The following PCDHB2 variants were observed in gnomAD, a reference collection of about 807,000 sequenced individuals.
PCDHB2 encodes the protein protocadherin beta 2, also known as protocadherin beta-2.
For synonymous variants in PCDHB2, 395 were observed against 464.9 expected, an observed-to-expected ratio of 0.85 and a Z score of 1.93; for missense variants, 914 against 1,023.1, an observed-to-expected ratio of 0.89 and a Z score of 1.45.
chr5:141,098,214 AAAT>A lies in PCDHB2; in HGVS notation c.*1029_*1031del, dbSNP rs1165242624. The A allele has an allele frequency of 6.6e-6, 1 of 152,162 alleles. No individual in the cohort carries two copies. Among genetic ancestry groups the A allele is most frequent in the African/African-American group, 2.4e-5 (1 of 41,444 alleles). 9.4% of individuals were successfully genotyped at this position (152,162 alleles called of 1,614,324 possible). On this transcript the variant is annotated 3_prime_UTR_variant, in exon 1 of 1. Transcript: ENST00000194155. The stretch of plus-strand genomic sequence containing the variant: ...GCTAATTCATCATGCTTTCTCTTTC[AAAT>A]AGTTTTTTTAAGAGCCCTCTGCTTA...
rs371176940 is a variant in PCDHB2 at position 141,096,374 on chromosome 5, G to A, written c.1584G>A (p.Ala528=). ...CGCTGGACTACGAGGCCCTGCAGGC[G>A]TTCGAGTTCCGCGTGGGCGCCGCAG... ...LQSLDYEALQ[A]FEFRVGAADR... Residue 528 remains alanine, a synonymous_variant, in exon 1 of 1, where the codon GCG becomes GCA. Transcript: ENST00000194155. The A allele has an allele frequency of 1.5e-5, 24 of 1,611,410 alleles. No individual in the cohort carries two copies. The highest frequency in any genetic ancestry group is 2.7e-5 in the African/African-American group (2 of 74,388).
chr5:141,096,914 C>G lies in PCDHB2; in HGVS notation c.2124C>G (p.Leu708=). Residue 708 remains leucine (L), a synonymous_variant, in exon 1 of 1, where the codon CTC becomes CTG. Coordinates refer to ENST00000194155, the MANE Select transcript of PCDHB2 (RefSeq NM_018936.4). ...CTTCGCTCTTCCTCTTCTCGGTGCT[C>G]CTGTTCGTGGCGGTGCGGCTGTGCA... ...SVSSLFLFSV[L]LFVAVRLCRR... 6.2e-7 allele frequency: 1 copy of G among 1,612,428 alleles called. No homozygotes were observed. Among genetic ancestry groups the G allele is most frequent in the Non-Finnish European group, 8.5e-7 (1 of 1,179,860 alleles).
Position 141,097,049 on chromosome 5 carries a change from C to T in PCDHB2, c.2259C>T (p.Tyr753=), listed in dbSNP as rs369789658. 5 of 1,613,662 alleles carry T rather than the reference C, an allele frequency of 3.1e-6. No individual in the cohort carries two copies. Among genetic ancestry groups the T allele is most frequent in the South Asian group, 1.1e-5 (1 of 91,062 alleles). Residue 753 remains tyrosine (Y), a synonymous_variant, in exon 1 of 1, where the codon TAC becomes TAT. Transcript: ENST00000194155. Reference sequence around the variant, plus strand: ...GGACCCTGTCCCAGAGCTACCAGTACGAGGTGTGTCTGACTGGAGGCTCCG... The same window carrying T: ...GGACCCTGTCCCAGAGCTACCAGTATGAGGTGTGTCTGACTGGAGGCTCCG... The part of the protein sequence containing the change: ...GTGTLSQSYQ[Y]EVCLTGGSGT...
At position 141,096,935 on chromosome 5, in the gene PCDHB2, GT is replaced by G. The variant is rs1157146097; in HGVS notation, c.2146del (p.Cys716AlafsTer26). 1 of 1,612,326 alleles carries G rather than the reference GT, an allele frequency of 6.2e-7. No homozygotes were observed. The highest frequency in any genetic ancestry group is 1.3e-5 in the African/African-American group (1 of 74,898). Reference protein sequence around the residue: ...SVLLFVAVRLCRRSRAASVGR... With the variant: ...SVLLFVAVRLXRRSRAASVGR... ...TGCTCCTGTTCGTGGCGGTGCGGCTGTGCAGGAGGAGCAGGGCGGCCTCGGT... is the reference window on the plus strand; with the variant it reads ...TGCTCCTGTTCGTGGCGGTGCGGCTGGCAGGAGGAGCAGGGCGGCCTCGGT... On this transcript the variant is annotated frameshift_variant, in exon 1 of 1. Coordinates refer to ENST00000194155, the MANE Select transcript of PCDHB2 (RefSeq NM_018936.4). LOFTEE classifies it low-confidence loss of function (END_TRUNC).
chr5:141,094,781 C>T lies in PCDHB2; in HGVS notation c.-10C>T, dbSNP rs553009086. ...GAGCTGGAGCACGTTTGGTGAGAGACCAGAAAGCAATGGAGGCCGGAGAGG... is the reference window on the plus strand; with the variant it reads ...GAGCTGGAGCACGTTTGGTGAGAGATCAGAAAGCAATGGAGGCCGGAGAGG... On this transcript the variant is annotated 5_prime_UTR_variant, in exon 1 of 1. Coordinates refer to ENST00000194155, the MANE Select transcript of PCDHB2 (RefSeq NM_018936.4). 3 of 1,539,314 alleles carry T rather than the reference C, an allele frequency of 1.9e-6. No homozygotes were observed. The highest frequency in any genetic ancestry group is 4.5e-5 in the East Asian group (2 of 44,278).
rs374858558 is a variant in PCDHB2, at chr5:141,095,979, C to T, written c.1189C>T (p.Pro397Ser). 2 of 1,614,020 alleles carry T rather than the reference C, an allele frequency of 1.2e-6. No homozygotes were observed. Among genetic ancestry groups the T allele is most frequent in the African/African-American group, 1.3e-5 (1 of 74,910 alleles). Residue 397 changes from proline to serine, a missense_variant, in exon 1 of 1, where the codon CCT (proline) becomes TCT (serine). Pro to Ser is a moderately conservative substitution (Grantham distance 74). Transcript: ENST00000194155. ...AGATGATCTTCCTTTTTTCTTGAAACCTTCTGTTGAGAACTTTTACACTCT... is the reference window on the plus strand; with the variant it reads ...AGATGATCTTCCTTTTTTCTTGAAATCTTCTGTTGAGAACTTTTACACTCT... The part of the protein sequence containing the change: ...IQDDLPFFLK[P>S]SVENFYTLVI...
At position 141,095,152 on chromosome 5, in the gene PCDHB2, C is replaced by A. The variant is rs372878606; in HGVS notation, c.362C>A (p.Ala121Glu). The change falls in exon 1 of 1, where the codon GCG becomes GAG. Residue 121 changes from alanine to glutamate, a missense_variant. Coordinates refer to ENST00000194155, the MANE Select transcript of PCDHB2 (RefSeq NM_018936.4). ...LLENPLQFFQ[A>E]ELRIRDVNDH... ...GAAAATCCCTTGCAGTTTTTTCAGG[C>A]GGAGCTACGGATTAGGGACGTAAAT... 6.2e-7 allele frequency: 1 copy of A among 1,612,384 alleles called. No homozygotes were observed. The highest frequency in any genetic ancestry group is 1.7e-5 in the Admixed American group (1 of 59,686).
rs782336622 is a variant in PCDHB2 at position 141,095,658 on chromosome 5, A to G, written c.868A>G (p.Ile290Val). ...TGCATTTTCCCAAGCATCTGAAGAC[A>G]TTCGCAAAACGTTTCGATTAAGTGC... ...SYAFSQASED[I>V]RKTFRLSAKS... Residue 290 changes from isoleucine to valine, a missense_variant, in exon 1 of 1, where the codon ATT becomes GTT. Coordinates refer to ENST00000194155, the MANE Select transcript of PCDHB2 (RefSeq NM_018936.4). 3.1e-6 allele frequency: 5 copies of G among 1,614,236 alleles called. No individual in the cohort carries two copies. In the Admixed American group the frequency reaches 8.3e-5, roughly 27 times the overall value.
Position 141,096,360 on chromosome 5 carries a change from G to T in PCDHB2, c.1570G>T (p.Glu524Ter). Reference protein sequence around the residue: ...HLFALQSLDYEALQAFEFRVG... With the variant: ...HLFALQSLDY The stretch of plus-strand genomic sequence containing the variant: ...GTTCGCTCTCCAGTCGCTGGACTAC[G>T]AGGCCCTGCAGGCGTTCGAGTTCCG... Residue 524 changes from glutamate to a stop codon, truncating the protein, a stop_gained, in exon 1 of 1, where the codon GAG becomes TAG. Transcript: ENST00000194155. LOFTEE classifies it low-confidence loss of function (END_TRUNC). 1 of 1,613,076 alleles carries T rather than the reference G, an allele frequency of 6.2e-7. No homozygotes were observed. Among genetic ancestry groups the T allele is most frequent in the Non-Finnish European group, 8.5e-7 (1 of 1,179,826 alleles).
In PCDHB2 at chr5:141,094,987, C is replaced by G. The variant is rs1554271132; in HGVS notation, c.197C>G (p.Ala66Gly). 4.3e-6 allele frequency: 7 copies of G among 1,612,848 alleles called. No individual in the cohort carries two copies. In the African/African-American group the frequency reaches 8.0e-5, roughly 18 times the overall value. ...ATAGGAGAACTTGCTGTGAGGGGGG[C>G]CAGGGTCGTTTCCAAAGGAAAAAAA... is the stretch of plus-strand genomic sequence containing the variant. ...LEIGELAVRG[A>G]RVVSKGKKMH... is the part of the protein sequence containing the mutation. The change falls in exon 1 of 1, where the codon GCC becomes GGC. Residue 66 changes from alanine (A) to glycine (G), a missense_variant. Ala to Gly is a moderately conservative substitution (Grantham distance 60). Coordinates refer to ENST00000194155, the MANE Select transcript of PCDHB2 (RefSeq NM_018936.4).
Position 141,097,013 on chromosome 5 carries a change from G to A in PCDHB2, c.2223G>A (p.Val741=), listed in dbSNP as rs782025097. The A allele has an allele frequency of 1.4e-5, 22 of 1,613,826 alleles. No individual in the cohort carries two copies. Among genetic ancestry groups the A allele is most frequent in the South Asian group, 6.6e-5 (6 of 91,044 alleles). Residue 741 remains valine, a synonymous_variant, in exon 1 of 1, where the codon GTG becomes GTA. Transcript: ENST00000194155. ...EGPFPGQMVD[V]SGTGTLSQSY... is the part of the protein sequence containing the mutation. ...CCTTTCCAGGGCAGATGGTGGACGTGAGCGGCACCGGGACCCTGTCCCAGA... is the reference window on the plus strand; with the variant it reads ...CCTTTCCAGGGCAGATGGTGGACGTAAGCGGCACCGGGACCCTGTCCCAGA...
chr5:141,096,360 G>C lies in PCDHB2; in HGVS notation c.1570G>C (p.Glu524Gln). Residue 524 changes from glutamate to glutamine, a missense_variant, in exon 1 of 1, where the codon GAG becomes CAG. Glu to Gln is a conservative substitution (Grantham distance 29, BLOSUM62 2). Transcript: ENST00000194155. The stretch of plus-strand genomic sequence containing the variant: ...GTTCGCTCTCCAGTCGCTGGACTAC[G>C]AGGCCCTGCAGGCGTTCGAGTTCCG... Reference protein sequence around the residue: ...HLFALQSLDYEALQAFEFRVG... With the variant: ...HLFALQSLDYQALQAFEFRVG... The C allele has an allele frequency of 6.2e-7, 1 of 1,613,076 alleles. No individual in the cohort carries two copies. Among genetic ancestry groups the C allele is most frequent in the Non-Finnish European group, 8.5e-7 (1 of 1,179,826 alleles).
In PCDHB2 at chr5:141,096,246, GC is replaced by G. The variant is rs1563828910; in HGVS notation, c.1459del (p.Gln487ArgfsTer57). 1 of 1,613,026 alleles carries G rather than the reference GC, an allele frequency of 6.2e-7. No homozygotes were observed. The highest frequency in any genetic ancestry group is 8.5e-7 in the Non-Finnish European group (1 of 1,180,042). On this transcript the variant is annotated frameshift_variant, in exon 1 of 1. Coordinates refer to ENST00000194155, the MANE Select transcript of PCDHB2 (RefSeq NM_018936.4). LOFTEE classifies it low-confidence loss of function (END_TRUNC). ...CACAGACAGAGACTCGGGCACCAAC[GC>G]CCAGGTCACCTACTCGCTGCTGCCG... ...SATDRDSGTN[A>X]QVTYSLLPPQ...
chr5:141,096,251 G>C lies in PCDHB2; in HGVS notation c.1461G>C (p.Gln487His), dbSNP rs1268320487. 1.2e-5 allele frequency: 20 copies of C among 1,613,120 alleles called. No individual in the cohort carries two copies. Among genetic ancestry groups the C allele is most frequent in the Non-Finnish European group, 1.7e-5 (20 of 1,180,036 alleles). The change falls in exon 1 of 1, where the codon CAG (glutamine) becomes CAC (histidine). Residue 487 changes from glutamine to histidine, a missense_variant. Gln to His is a conservative substitution (Grantham distance 24). Coordinates refer to ENST00000194155, the MANE Select transcript of PCDHB2 (RefSeq NM_018936.4). ...ACAGAGACTCGGGCACCAACGCCCAGGTCACCTACTCGCTGCTGCCGCCCC... is the reference window on the plus strand; with the variant it reads ...ACAGAGACTCGGGCACCAACGCCCACGTCACCTACTCGCTGCTGCCGCCCC... Reference protein sequence around the residue: ...ATDRDSGTNAQVTYSLLPPQD... With the variant: ...ATDRDSGTNAHVTYSLLPPQD...
At position 141,095,369 on chromosome 5, in the gene PCDHB2, A is replaced by G; in HGVS notation, c.579A>G (p.Leu193=). 2 of 1,613,950 alleles carry G rather than the reference A, an allele frequency of 1.2e-6. No homozygotes were observed. Among genetic ancestry groups the G allele is most frequent in the Non-Finnish European group, 1.7e-6 (2 of 1,179,894 alleles). Residue 193 remains leucine, a synonymous_variant, in exon 1 of 1, where the codon TTA becomes TTG. Coordinates refer to ENST00000194155, the MANE Select transcript of PCDHB2 (RefSeq NM_018936.4). Reference sequence around the variant, plus strand: ...AAGACAGTCTCGATGGCATAATATTACCACAGCTGGTGCTGAACAGAGCCC... The same window carrying G: ...AAGACAGTCTCGATGGCATAATATTGCCACAGCTGGTGCTGAACAGAGCCC... The part of the protein sequence containing the change: ...NLQDSLDGII[L]PQLVLNRALD...
chr5:141,096,195 G>T lies in PCDHB2; in HGVS notation c.1405G>T (p.Ala469Ser), dbSNP rs1554271422. ...GTTCGTCCGCGAGAACAACAGCCCCGCCCTGCACATCGGCAGCGTCAGCGC... is the reference window on the plus strand; with the variant it reads ...GTTCGTCCGCGAGAACAACAGCCCCTCCCTGCACATCGGCAGCGTCAGCGC... Reference protein sequence around the residue: ...TLFVRENNSPALHIGSVSATD... With the variant: ...TLFVRENNSPSLHIGSVSATD... The change falls in exon 1 of 1, where the codon GCC becomes TCC. Residue 469 changes from alanine (A) to serine (S), a missense_variant. Transcript: ENST00000194155. 1 of 1,612,930 alleles carries T rather than the reference G, an allele frequency of 6.2e-7. No homozygotes were observed. Among genetic ancestry groups the T allele is most frequent in the African/African-American group, 1.3e-5 (1 of 74,882 alleles).
At position 141,097,213 on chromosome 5, in the gene PCDHB2, A is replaced by G; in HGVS notation, c.*26A>G. 1 of 1,564,162 alleles carries G rather than the reference A, an allele frequency of 6.4e-7. No homozygotes were observed. Among genetic ancestry groups the G allele is most frequent in the Non-Finnish European group, 8.7e-7 (1 of 1,156,014 alleles). On this transcript the variant is annotated 3_prime_UTR_variant, in exon 1 of 1. Coordinates refer to ENST00000194155, the MANE Select transcript of PCDHB2 (RefSeq NM_018936.4). ...GTGTTAATAAGGATCTACTGAGGCT[A>G]GTCTCGTTTAATTTGTGGAAAGTCC...
Position 141,097,412 on chromosome 5 carries a change from A to G in PCDHB2, c.*225A>G, listed in dbSNP as rs913570043. On this transcript the variant is annotated 3_prime_UTR_variant, in exon 1 of 1. Coordinates refer to ENST00000194155, the MANE Select transcript of PCDHB2 (RefSeq NM_018936.4). ...GTTAGTTTCATTGCAATTTAATTGC[A>G]TTTAAAGTGTAAAAGTAAATTTTGT... 4.1e-6 allele frequency: 2 copies of G among 489,958 alleles called. No individual in the cohort carries two copies. The highest frequency in any genetic ancestry group is 4.0e-5 in the African/African-American group (2 of 50,090). The allele number at this position is 489,958 out of a possible 1,614,324, so 30.4% of individuals were successfully genotyped here. A position where few individuals can be genotyped will look rare whatever the true frequency, so the allele number is the denominator to read the frequency against.
In PCDHB2 at chr5:141,095,181, C is replaced by T. The variant is rs1751776934; in HGVS notation, c.391C>T (p.His131Tyr). 2 of 1,610,306 alleles carry T rather than the reference C, an allele frequency of 1.2e-6. No homozygotes were observed. The highest frequency in any genetic ancestry group is 1.7e-6 in the Non-Finnish European group (2 of 1,178,320). ...AELRIRDVND[H>Y]SPVFLDKEIL... Reference sequence around the variant, plus strand: ...GCTACGGATTAGGGACGTAAATGATCATTCCCCAGTTTTCCTAGACAAAGA... The same window carrying T: ...GCTACGGATTAGGGACGTAAATGATTATTCCCCAGTTTTCCTAGACAAAGA... The change falls in exon 1 of 1, where the codon CAT (histidine) becomes TAT (tyrosine). Residue 131 changes from histidine to tyrosine, a missense_variant. Transcript: ENST00000194155.
Sources: allele counts gnomAD v4.1 joint callset, GRCh38; gene constraint gnomAD v4.1.1; transcripts MANE v1.5; gene names NCBI Gene and HGNC (gene_info 2026-07-23, HGNC 2026-07-21).